CREBL2: variants seen among roughly 807,000 people sequenced by gnomAD.
CREBL2 encodes the protein cAMP responsive element binding protein like 2.
CREBL2 carries 4 observed loss-of-function variants against 19.5 expected under a neutral mutation model. That is an observed-to-expected ratio of 0.20 (90% CI 0.10 to 0.47). The LOEUF (loss-of-function observed/expected upper bound fraction) is 0.47, where lower values mean the gene tolerates loss of function less well. CREBL2 is among the 20% of genes least tolerant of loss of function. The pLI, the probability that CREBL2 is intolerant of heterozygous loss-of-function variation, is 0.98. For synonymous variants in CREBL2, 42 were observed against 46.6 expected, an observed-to-expected ratio of 0.90 and a Z score of 0.40; for missense variants, 85 against 145.1, an observed-to-expected ratio of 0.59 and a Z score of 2.13.
At chr12:12,622,986 C>T (rs1187367389) in intron 1 of CREBL2, among the ~76,000 whole-genome samples, 1 of 151,844 alleles carries the variant, frequency 6.6e-6, no homozygotes, top group Non-Finnish European at 1.5e-5. Context: ...TATTAGTTGC[C>T]TTAATTAGAG....
At chr12:12,613,917 A>AT (rs36102670) in intron 1 of CREBL2, among the ~76,000 whole-genome samples, 104,163 of 136,060 alleles carry the variant, frequency 0.77, 40,887 homozygotes, top group South Asian at 0.87. Flanking sequence ...TCAGCAAGTA[A>AT]TTTTTTTTTT....
At position 12,645,075 on chromosome 12, in the gene CREBL2, G is replaced by A. The variant is rs1168236427; in HGVS notation, c.*3077G>A. On this transcript the variant is annotated 3_prime_UTR_variant, in exon 4 of 4. Coordinates refer to ENST00000228865, the MANE Select transcript of CREBL2 (RefSeq NM_001310.4). ...GGAGTTACAGAAAACTGTTAAATAGGGAAGAACTACATTAAATTTAAATAT... is the reference window on the plus strand; with the variant it reads ...GGAGTTACAGAAAACTGTTAAATAGAGAAGAACTACATTAAATTTAAATAT... 1 of 152,060 alleles carries A rather than the reference G, an allele frequency of 6.6e-6. No homozygotes were observed. Among genetic ancestry groups the A allele is most frequent in the Non-Finnish European group, 1.5e-5 (1 of 68,008 alleles). 9.4% of individuals were successfully genotyped at this position (152,060 alleles called of 1,614,324 possible).
chr12:12,612,870 T>C (rs1394621378), intron 1 of CREBL2, among the ~76,000 whole-genome samples: 1 of 152,310 alleles, frequency 6.6e-6, no homozygotes, highest in African/African-American at 2.4e-5. Flanking sequence ...TATAGCCTTT[T>C]TGTCTTTATT....
chr12:12,623,193 T>A (rs1184154245), intron 1 of CREBL2, among the ~76,000 whole-genome samples: 1 of 152,078 alleles, frequency 6.6e-6, no homozygotes, highest in African/African-American at 2.4e-5. Flanking sequence ...GATTTTTCTT[T>A]TTCATTTCAT....
chr12:12,621,316 C>T (rs548689606), intron 1 of CREBL2, among the ~76,000 whole-genome samples: 2 of 152,208 alleles, frequency 1.3e-5, no homozygotes, highest in African/African-American at 4.8e-5. Flanking sequence ...GTCAGGAGTT[C>T]GAGACCAGCC....
chr12:12,619,448 A>G (rs1359209290), intron 1 of CREBL2, among the ~76,000 whole-genome samples: 1 of 152,178 alleles, frequency 6.6e-6, no homozygotes, highest in East Asian at 1.9e-4. Context: ...TCTTCAAAAA[A>G]TATAAAAAAT....
intron 1 of CREBL2, among the ~76,000 whole-genome samples, chr12:12,630,794 ATTTTCT>A (rs141415797): frequency 0.026 from 4,008 of 152,128 alleles, 154 homozygotes; most frequent in African/African-American, 0.088. Context: ...GGTATGTTGT[ATTTTCT>A]TTTTCTTTCA....
At chr12:12,618,640 A>C (rs1299996316) in intron 1 of CREBL2, among the ~76,000 whole-genome samples, 1 of 152,204 alleles carries the variant, frequency 6.6e-6, no homozygotes, top group Non-Finnish European at 1.5e-5. Context: ...GCGGCCGGGC[A>C]GAGGCTGCAG....
At chr12:12,627,691 T>C (rs555051845) in intron 1 of CREBL2, among the ~76,000 whole-genome samples, 1 of 152,378 alleles carries the variant, frequency 6.6e-6, no homozygotes, top group South Asian at 2.1e-4. Context: ...AACATTGATA[T>C]ACAAGTTCTA....
intron 2 of CREBL2, 24 bp from the exon 3 acceptor site, chr12:12,637,546 T>C (rs1266918859): frequency 2.4e-6 from 3 of 1,270,286 alleles, no homozygotes; most frequent in Non-Finnish European, 3.0e-6. Context: ...TTTATATTTA[T>C]ATTTAAAATT....
At chr12:12,614,833 C>T in intron 1 of CREBL2, 1 of 333,146 alleles carries the variant, frequency 3.0e-6, no homozygotes, top group Non-Finnish European at 6.0e-6. Context: ...CCAGTTTTGC[C>T]ATAGTAAGAT....
At chr12:12,615,522 G>T (rs570138482) in intron 1 of CREBL2, 1 of 150,444 alleles carries the variant, frequency 6.6e-6, no homozygotes, top group African/African-American at 2.5e-5. Flanking sequence ...TCTTTGAGAC[G>T]GAGTCTTGCT....
At chr12:12,626,501 T>C (rs1186334619) in intron 1 of CREBL2, among the ~76,000 whole-genome samples, 2 of 152,200 alleles carry the variant, frequency 1.3e-5, no homozygotes, top group African/African-American at 2.4e-5. Flanking sequence ...TTCTTTCCTT[T>C]CAGCTATTTT....
At chr12:12,612,579 C>T (rs1240038149) in intron 1 of CREBL2, among the ~76,000 whole-genome samples, 1 of 152,160 alleles carries the variant, frequency 6.6e-6, no homozygotes, top group Non-Finnish European at 1.5e-5. Context: ...GATTCCCCTT[C>T]TCTCAGGCTC....
intron 1 of CREBL2, chr12:12,614,667 T>A (rs966033021): frequency 6.8e-6 from 2 of 293,250 alleles, no homozygotes; most frequent in African/African-American, 4.5e-5. Context: ...CACTGGCTTT[T>A]TTTTCTGATC....
At chr12:12,621,020 A>G (rs1189009244) in intron 1 of CREBL2, among the ~76,000 whole-genome samples, 1 of 152,212 alleles carries the variant, frequency 6.6e-6, no homozygotes, top group East Asian at 1.9e-4. Context: ...CAAAACAGGA[A>G]AGATGGAATA....
intron 1 of CREBL2, among the ~76,000 whole-genome samples, chr12:12,621,298 C>T (rs1185010882): frequency 6.6e-6 from 1 of 152,170 alleles, no homozygotes; most frequent in Non-Finnish European, 1.5e-5. Flanking sequence ...GCGGGCAGAT[C>T]ACCTGAGGTC....
chr12:12,619,041 C>CGGGAGA (rs1049381672), intron 1 of CREBL2, among the ~76,000 whole-genome samples: 19 of 150,294 alleles, frequency 1.3e-4, no homozygotes, highest in African/African-American at 4.4e-4. Flanking sequence ...AAGTGGGAGA[C>CGGGAGA]GGGAGAGGGA....
intron 3 of CREBL2, among the ~76,000 whole-genome samples, chr12:12,638,018 G>T (rs543103704): frequency 6.6e-6 from 1 of 152,008 alleles, no homozygotes; most frequent in Non-Finnish European, 1.5e-5. Flanking sequence ...GTCTCAAAAG[G>T]GGGGAACAAA....
Sources: allele counts gnomAD v4.1 joint callset (sites outside exome capture counted in the v4.1 genomes callset), GRCh38; gene constraint gnomAD v4.1.1; transcripts MANE v1.5; gene names NCBI Gene and HGNC (gene_info 2026-07-23, HGNC 2026-07-21).